KLHDC4: variants seen among roughly 807,000 people sequenced by gnomAD.
KLHDC4 encodes kelch domain containing 4.
Under a neutral mutation model 62.4 loss-of-function variants are expected in KLHDC4, and 90 were observed. The ratio of observed to expected loss-of-function variants is 1.44; its 90% confidence interval spans 1.22 to 1.72. The LOEUF (loss-of-function observed/expected upper bound fraction) is 1.72. KLHDC4 is among the 40% of genes most tolerant of loss of function. The pLI is 0.00. For missense variants in KLHDC4, 1,025 were observed against 699.7 expected (o/e 1.47, Z -5.25); for synonymous variants, 386 against 284.4 (o/e 1.36, Z -3.59).
intron 7 of KLHDC4, among the ~76,000 whole-genome samples, chr16:87,715,274 C>CT (rs2036717547): frequency 6.6e-6 from 1 of 152,226 alleles, no homozygotes; most frequent in Admixed American, 6.5e-5. Flanking sequence ...ATTTTTAATA[C>CT]ACTATTTTAG....
At chr16:87,706,427 A>AG (rs1392935827), downstream of KLHDC4, among the ~76,000 whole-genome samples, 1 of 91,530 alleles carries the variant, frequency 1.1e-5, no homozygotes, top group Non-Finnish European at 2.2e-5. Context: ...TGCAGCCTCC[A>AG]GGGGGGTCGG....
intron 1 of KLHDC4, among the ~76,000 whole-genome samples, chr16:87,762,965 G>A (rs906560441): frequency 5.3e-5 from 8 of 151,902 alleles, no homozygotes; most frequent in Admixed American, 3.3e-4. Context: ...CGTCCTCTCC[G>A]TTCCTTCAAT....
chr16:87,759,824 A>C (rs1445873020), intron 2 of KLHDC4, among the ~76,000 whole-genome samples: 1 of 141,820 alleles, frequency 7.1e-6, no homozygotes, highest in Non-Finnish European at 1.6e-5. Context: ...TCTGCAGAAA[A>C]GCACCAAACA....
intron 4 of KLHDC4, among the ~76,000 whole-genome samples, chr16:87,751,934 G>C (rs1159449135): frequency 2.6e-5 from 4 of 151,246 alleles, no homozygotes; most frequent in Admixed American, 2.6e-4. Context: ...AATTAGCCAG[G>C]CACGGTGGCA....
At chr16:87,755,690 A>G (rs2143306827) in intron 3 of KLHDC4, 1 of 188,786 alleles carries the variant, frequency 5.3e-6, no homozygotes, top group Non-Finnish European at 1.1e-5. Flanking sequence ...CTCAGCCTCC[A>G]AGTAGCTAGG....
chr16:87,754,808 C>G (rs567319995), intron 4 of KLHDC4, among the ~76,000 whole-genome samples: 1 of 152,332 alleles, frequency 6.6e-6, no homozygotes, highest in East Asian at 1.9e-4. Flanking sequence ...GGTTACCACT[C>G]GTTTCCGCTA....
chr16:87,724,481 G>A (rs1567707847), intron 7 of KLHDC4, among the ~76,000 whole-genome samples: 1 of 152,162 alleles, frequency 6.6e-6, no homozygotes, highest in East Asian at 1.9e-4. Flanking sequence ...AAGAACTGGT[G>A]TCCAGAATGT....
At chr16:87,756,837 G>C (rs962851492) in intron 2 of KLHDC4, among the ~76,000 whole-genome samples, 8 of 151,722 alleles carry the variant, frequency 5.3e-5, no homozygotes, top group African/African-American at 1.9e-4. Flanking sequence ...TTTTGAGATG[G>C]AGTTTCCCTC....
intron 6 of KLHDC4, among the ~76,000 whole-genome samples, chr16:87,728,614 T>G (rs1196545137): frequency 6.6e-6 from 1 of 152,158 alleles, no homozygotes; most frequent in Non-Finnish European, 1.5e-5. Flanking sequence ...CTACACATAG[T>G]AGGTAATGAA....
intron 5 of KLHDC4, among the ~76,000 whole-genome samples, chr16:87,744,487 G>A (rs1392927735): frequency 6.6e-6 from 1 of 151,718 alleles, no homozygotes; most frequent in African/African-American, 2.4e-5. Flanking sequence ...GGACACTGAG[G>A]CACAAGAATG....
chr16:87,723,158 G>A (rs763018554), intron 7 of KLHDC4, among the ~76,000 whole-genome samples: 2 of 152,210 alleles, frequency 1.3e-5, no homozygotes, highest in South Asian at 2.1e-4. Flanking sequence ...GCACACTGCC[G>A]CTTCAGCCAT....
chr16:87,705,249 G>A (rs2034527205), downstream of KLHDC4, among the ~76,000 whole-genome samples: 1 of 152,250 alleles, frequency 6.6e-6, no homozygotes, highest in South Asian at 2.1e-4. Flanking sequence ...CCCTACGGTG[G>A]CTATCTGGCC....
intron 4 of KLHDC4, among the ~76,000 whole-genome samples, chr16:87,751,817 T>C (rs1294740569): frequency 6.6e-6 from 1 of 152,130 alleles, no homozygotes; most frequent in Non-Finnish European, 1.5e-5. Flanking sequence ...CTCACGCCTG[T>C]AATCCCAGCA....
chr16:87,755,160 A>G, intron 4 of KLHDC4, 34 bp downstream of exon 4: 1 of 1,407,004 alleles, frequency 7.1e-7, no homozygotes, highest in Non-Finnish European at 1.0e-6. Flanking sequence ...ACGTGGGAAG[A>G]GGGAGGGTGG....
intron 1 of KLHDC4, among the ~76,000 whole-genome samples, chr16:87,764,790 G>C (rs1284768487): frequency 6.9e-6 from 1 of 144,348 alleles, no homozygotes; most frequent in Non-Finnish European, 1.5e-5. Flanking sequence ...AGCAGGTCAT[G>C]CCACTGCAGC....
At chr16:87,707,445 C>T (rs937537633), downstream of KLHDC4, among the ~76,000 whole-genome samples, 2 of 152,204 alleles carry the variant, frequency 1.3e-5, no homozygotes, top group East Asian at 1.9e-4. Context: ...CCGCTGCACA[C>T]GAGGAGCCCC....
Position 87,711,266 on chromosome 16 carries a change from G to C in KLHDC4, c.1013C>G (p.Thr338Ser). ...CTGTCCCTCAAACCAACGGTTCCTG[G>C]TGGCGTCGTAGAAGTACAGATCGTT... ...FFNDLYFYDA[T>S]RNRWFEGQLK... The change falls in exon 9 of 12, where the codon ACC becomes AGC. Residue 338 changes from threonine to serine, a missense_variant. Coordinates refer to ENST00000270583, the MANE Select transcript of KLHDC4 (RefSeq NM_017566.4). 6.2e-7 allele frequency: 1 copy of C among 1,614,128 alleles called. No individual in the cohort carries two copies. Among genetic ancestry groups the C allele is most frequent in the Non-Finnish European group, 8.5e-7 (1 of 1,180,034 alleles).
In KLHDC4 at chr16:87,755,197, G is replaced by C; in HGVS notation, c.366C>G (p.His122Gln). 6.2e-7 allele frequency: 1 copy of C among 1,604,730 alleles called. No homozygotes were observed. The highest frequency in any genetic ancestry group is 8.5e-7 in the Non-Finnish European group (1 of 1,171,692). Residue 122 changes from histidine to glutamine, a missense_variant, in exon 4 of 12, where the codon CAC becomes CAG. Coordinates refer to ENST00000270583, the MANE Select transcript of KLHDC4 (RefSeq NM_017566.4). ...IPSPPPRRCA[H>Q]QAVVVPQGGG... ...TGAGAGTCAGTGCTGACATTACCTG[G>C]TGAGCACAGCGCCTCGGAGGTGGAC...
intron 5 of KLHDC4, among the ~76,000 whole-genome samples, chr16:87,743,857 T>C (rs1195458818): frequency 1.3e-5 from 2 of 152,048 alleles, no homozygotes; most frequent in Non-Finnish European, 2.9e-5. Context: ...CTTAAATAAA[T>C]AAAAAAACCA....
Sources: gnomAD v4.1 joint callset for allele counts (sites outside exome capture counted in the v4.1 genomes callset) on GRCh38, gnomAD v4.1.1 for gene constraint, MANE v1.5 for transcripts, NCBI Gene and HGNC (gene_info 2026-07-23, HGNC 2026-07-21) for gene names.